VAV2: variants seen among roughly 807,000 people sequenced by gnomAD.
VAV2 encodes guanine nucleotide exchange factor VAV2.
A neutral mutation model predicts 132.5 loss-of-function variants in VAV2; 67 were observed. The observed-to-expected ratio is 0.51, with a 90% CI of 0.42 to 0.62. The LOEUF is 0.62. VAV2 is among the 20% of genes least tolerant of loss of function. The pLI, the probability that VAV2 is intolerant of heterozygous loss-of-function variation, is 0.00. For missense variants in VAV2, 938 were observed against 1,153.6 expected, an observed-to-expected ratio of 0.81 and a Z score of 2.71; for synonymous variants, 492 against 443.5, an observed-to-expected ratio of 1.11 and a Z score of -1.37.
At chr9:133,861,176 C>T (rs1170897640) in intron 3 of VAV2, 198 bp downstream of exon 3, 2 of 509,568 alleles carry the variant, frequency 3.9e-6, no homozygotes, top group Non-Finnish European at 6.8e-6. Context: ...CAAGATTTCC[C>T]CGGTGTGAGC....
rs1216058596 is a variant in VAV2, at chr9:133,802,317, C to T, written c.836+3764G>A. Among the ~76,000 whole-genome samples, 7 of 133,268 alleles carry T rather than the reference C, an allele frequency of 5.3e-5. No homozygotes were observed. The highest frequency in any genetic ancestry group is 1.6e-4 in the Admixed American group (2 of 12,860). The allele number at this position is 133,268 out of a possible 152,430, so 87.4% of individuals were successfully genotyped here. The stretch of plus-strand genomic sequence containing the variant: ...GCATGTGCACACAAACACACAAGCA[C>T]GCGTGTACACACACACACACACACA... On this transcript the variant is annotated intron_variant, in intron 9 of 29. Coordinates refer to ENST00000371850, the MANE Select transcript of VAV2 (RefSeq NM_001134398.2). The surrounding 1 kb of genome is among the most constrained non-coding windows in gnomAD (Gnocchi z 5.8).
intron 3 of VAV2, among the ~76,000 whole-genome samples, chr9:133,859,565 G>A (rs1837515312): frequency 6.6e-6 from 1 of 152,060 alleles, no homozygotes; most frequent in Non-Finnish European, 1.5e-5. Context: ...TTTTGTGCAG[G>A]AGCAATTAAA....
Position 133,768,684 on chromosome 9 carries a change from C to T in VAV2, c.2435-88G>A. 7 of 1,492,510 alleles carry T rather than the reference C, an allele frequency of 4.7e-6. No individual in the cohort carries two copies. In the South Asian group the frequency reaches 9.1e-5, roughly 19 times the overall value. The allele number at this position is 1,492,510 out of a possible 1,614,324, so 92.5% of individuals were successfully genotyped here. A position where few individuals can be genotyped will look rare whatever the true frequency, so the allele number is the denominator to read the frequency against. On this transcript the variant is annotated intron_variant, in intron 28 of 29. Coordinates refer to ENST00000371850, the MANE Select transcript of VAV2 (RefSeq NM_001134398.2). This position sits in a 1 kb window ranked among gnomAD's most constrained non-coding sequence, Gnocchi z 5.3. ...GCCCTTGGGCCAAGCTGGGTCTCTC[C>T]CCTGGTGCCCAGAACCCTGCTCTGT...
rs184990627 is a variant in VAV2 at position 133,804,473 on chromosome 9, A to G, written c.836+1608T>C. On this transcript the variant is annotated intron_variant, in intron 9 of 29. Coordinates refer to ENST00000371850, the MANE Select transcript of VAV2 (RefSeq NM_001134398.2). The surrounding 1 kb of genome is among the most constrained non-coding windows in gnomAD (Gnocchi z 4.5). ...CCATGCAAGGTCCTGCTGGTGGGACAGGGCCAGGGGTGTCGCCGGGCAGCC... is the reference window on the plus strand; with the variant it reads ...CCATGCAAGGTCCTGCTGGTGGGACGGGGCCAGGGGTGTCGCCGGGCAGCC... Among the ~76,000 whole-genome samples, 23 of 152,342 alleles carry G rather than the reference A, an allele frequency of 1.5e-4. No individual in the cohort carries two copies. The highest frequency in any genetic ancestry group is 5.9e-4 in the Admixed American group (9 of 15,312).
In VAV2 at chr9:133,779,983, CTT is replaced by C; in HGVS notation, c.1741-46_1741-45del. 1.9e-6 allele frequency: 3 copies of C among 1,610,358 alleles called. No individual in the cohort carries two copies. In the South Asian group the frequency reaches 3.3e-5, roughly 18 times the overall value. ...AACACAGAGATGAGGGAAGGCTGCT[CTT>C]TGACTGTGGCCCATGCATCAACGCA... is the stretch of plus-strand genomic sequence containing the variant. On this transcript the variant is annotated intron_variant, in intron 20 of 29. Transcript: ENST00000371850.
At chr9:133,825,643 C>T (rs934568458) in intron 4 of VAV2, among the ~76,000 whole-genome samples, 13 of 152,160 alleles carry the variant, frequency 8.5e-5, no homozygotes, top group Non-Finnish European at 1.3e-4. Flanking sequence ...GGTATCTAAA[C>T]AAACTTCCTC....
intron 1 of VAV2, among the ~76,000 whole-genome samples, chr9:133,979,030 G>A (rs1842605623): frequency 1.3e-5 from 2 of 152,204 alleles, no homozygotes; most frequent in Non-Finnish European, 2.9e-5. Flanking sequence ...CAGTGTGAGA[G>A]CAGGTCTGCA....
chr9:133,992,317 G>A lies in VAV2; in HGVS notation c.-39C>T, dbSNP rs1843054437. 3 of 1,291,296 alleles carry A rather than the reference G, an allele frequency of 2.3e-6. No individual in the cohort carries two copies. The highest frequency in any genetic ancestry group is 3.0e-6 in the Non-Finnish European group (3 of 1,013,800). The allele number at this position is 1,291,296 out of a possible 1,614,324, so 80.0% of individuals were successfully genotyped here. A position where few individuals can be genotyped will look rare whatever the true frequency, so the allele number is the denominator to read the frequency against. On this transcript the variant is annotated 5_prime_UTR_variant, in exon 1 of 30. Coordinates refer to ENST00000371850, the MANE Select transcript of VAV2 (RefSeq NM_001134398.2). The surrounding 1 kb of genome is among the most constrained non-coding windows in gnomAD (Gnocchi z 5.5). ...CCGACCGGCTCAGGGCAGTGCTCGA[G>A]CCAAAGTGCAGCGGCCGCGGGGCAT... is the stretch of plus-strand genomic sequence containing the variant.
chr9:133,797,022 T>A (rs1398141773), intron 10 of VAV2, among the ~76,000 whole-genome samples: 2 of 152,174 alleles, frequency 1.3e-5, no homozygotes, highest in African/African-American at 4.8e-5. Flanking sequence ...GGGGGCATCG[T>A]GCATCTCTAC....
intron 1 of VAV2, among the ~76,000 whole-genome samples, chr9:133,967,207 G>A (rs765125065): frequency 6.6e-5 from 10 of 151,970 alleles, no homozygotes; most frequent in South Asian, 2.1e-4. Flanking sequence ...AAACCACAAC[G>A]AGATACCATC....
At position 133,802,246 on chromosome 9, in the gene VAV2, T is replaced by G. The variant is rs1834956519; in HGVS notation, c.836+3835A>C. Among the ~76,000 whole-genome samples the G allele has an allele frequency of 6.6e-6, 1 of 151,480 alleles. No individual in the cohort carries two copies. The highest frequency in any genetic ancestry group is 6.6e-5 in the Admixed American group (1 of 15,194). On this transcript the variant is annotated intron_variant, in intron 9 of 29. Coordinates refer to ENST00000371850, the MANE Select transcript of VAV2 (RefSeq NM_001134398.2). The surrounding 1 kb of genome is among the most constrained non-coding windows in gnomAD (Gnocchi z 5.8). ...ACTGTTAAGAAAAAGGAGCCAAAAC[T>G]TGGAATAACACACACGGGCACACAT...
chr9:133,832,048 T>C (rs1836284353), intron 4 of VAV2, among the ~76,000 whole-genome samples: 1 of 152,214 alleles, frequency 6.6e-6, no homozygotes, highest in Non-Finnish European at 1.5e-5. Flanking sequence ...ACTGTTGCTG[T>C]CATTGTCCTG....
chr9:133,795,793 T>C, intron 11 of VAV2, 57 bp from the exon 12 acceptor site: 2 of 1,578,880 alleles, frequency 1.3e-6, no homozygotes, highest in Non-Finnish European at 1.7e-6. Context: ...GCCTCTGCCC[T>C]GGCCCCTACC....
At chr9:133,812,978 A>G (rs1289183704) in intron 4 of VAV2, among the ~76,000 whole-genome samples, 1 of 152,176 alleles carries the variant, frequency 6.6e-6, no homozygotes, top group Non-Finnish European at 1.5e-5. Context: ...TGTGAGTGGC[A>G]GCGGATGAGC....
At chr9:133,772,172 CCT>C in intron 25 of VAV2, 126 bp from the exon 26 acceptor site, 1 of 722,030 alleles carries the variant, frequency 1.4e-6, no homozygotes, top group Non-Finnish European at 2.3e-6. Context: ...AGGGCCACTC[CCT>C]GTCAGCCCTG....
At chr9:133,795,923 C>A (rs879579218) in intron 11 of VAV2, among the ~76,000 whole-genome samples, 187 bp from the exon 12 acceptor site, 2 of 152,234 alleles carry the variant, frequency 1.3e-5, no homozygotes, top group Non-Finnish European at 2.9e-5. Context: ...ACAGGGGATA[C>A]CCCACTTCTT....
chr9:133,899,090 G>T (rs1014982790), intron 2 of VAV2, among the ~76,000 whole-genome samples: 18 of 151,956 alleles, frequency 1.2e-4, no homozygotes, highest in African/African-American at 4.3e-4. Flanking sequence ...CAAAGTGCTG[G>T]GATTACAGGC....
At chr9:133,893,347 C>A (rs967465889) in intron 2 of VAV2, among the ~76,000 whole-genome samples, 1 of 152,122 alleles carries the variant, frequency 6.6e-6, no homozygotes, top group Non-Finnish European at 1.5e-5. Context: ...GCTCGGGTGG[C>A]GAAGGCGGCG....
intron 4 of VAV2, among the ~76,000 whole-genome samples, chr9:133,822,137 G>C (rs961483555): frequency 1.4e-5 from 2 of 147,948 alleles, no homozygotes; most frequent in African/African-American, 5.3e-5. Flanking sequence ...GCTGCTCAGA[G>C]GCCATTGCCC....
Sources: allele counts gnomAD v4.1 joint callset (sites outside exome capture counted in the v4.1 genomes callset), GRCh38; gene constraint gnomAD v4.1.1; non-coding constraint Gnocchi (gnomAD v3.1); transcripts MANE v1.5; gene names NCBI Gene and HGNC (gene_info 2026-07-23, HGNC 2026-07-21).